TUSC3: variants seen among roughly 807,000 people sequenced by gnomAD.
TUSC3 encodes the protein dolichyl-diphosphooligosaccharide--protein glycosyltransferase subunit TUSC3.
TUSC3 carries 45 observed loss-of-function variants against 44.8 expected under a neutral mutation model. The observed-to-expected ratio is 1.00, with a 90% CI of 0.79 to 1.29. The LOEUF is 1.29. Among genes scored for constraint, TUSC3 ranks in the 50% most tolerant of loss-of-function variants. TUSC3 has a pLI of 0.00. For missense variants in TUSC3, 519 were observed against 437.9 expected (o/e 1.19, Z -1.65); for synonymous variants, 212 against 152.9 (o/e 1.39, Z -2.85).
the TUSC3 span, among the ~76,000 whole-genome samples, chr8:15,803,362 G>A: frequency 1.3e-5 from 2 of 152,070 alleles, no homozygotes; most frequent in African/African-American, 2.4e-5. Context: ...TACATATGAT[G>A]ACAAAAATCA....
intron 1 of TUSC3, among the ~76,000 whole-genome samples, chr8:15,420,673 T>C (rs1799728129): frequency 6.6e-6 from 1 of 152,118 alleles, no homozygotes; most frequent in South Asian, 2.1e-4. Context: ...CCATCTTTAA[T>C]CATGATTCTC....
chr8:15,590,269 T>G (rs114413105), intron 1 of TUSC3, among the ~76,000 whole-genome samples: 7 of 152,304 alleles, frequency 4.6e-5, no homozygotes, highest in African/African-American at 1.4e-4. Flanking sequence ...ATTTTGCAGA[T>G]GAGGAATTCC....
At chr8:15,667,434 A>T (rs1807716155) in intron 5 of TUSC3, among the ~76,000 whole-genome samples, 1 of 151,728 alleles carries the variant, frequency 6.6e-6, no homozygotes, top group Non-Finnish European at 1.5e-5. Flanking sequence ...ACTGATATGC[A>T]TGTCTGCTGT....
chr8:15,663,075 C>T (rs956398773), intron 5 of TUSC3, among the ~76,000 whole-genome samples: 2 of 151,280 alleles, frequency 1.3e-5, no homozygotes, highest in Non-Finnish European at 3.0e-5. Flanking sequence ...CAGCCAATAG[C>T]CGAAACTCAT....
the TUSC3 span, among the ~76,000 whole-genome samples, chr8:15,783,148 A>T: frequency 6.6e-6 from 1 of 152,194 alleles, no homozygotes; most frequent in Non-Finnish European, 1.5e-5. Flanking sequence ...AATTTAACCA[A>T]TGTGGTGAAA....
intron 1 of TUSC3, among the ~76,000 whole-genome samples, chr8:15,468,567 T>C (rs1485159140): frequency 3.3e-5 from 5 of 152,182 alleles, no homozygotes; most frequent in Non-Finnish European, 4.4e-5. Flanking sequence ...TTCTTTGTTT[T>C]TTACCCTTAA....
the TUSC3 span, among the ~76,000 whole-genome samples, chr8:15,815,981 G>A: frequency 6.6e-6 from 1 of 152,068 alleles, no homozygotes; most frequent in Non-Finnish European, 1.5e-5. Flanking sequence ...TGCTTTTTCT[G>A]GCAGGGTTGT....
chr8:15,657,649 C>G (rs999967188), intron 3 of TUSC3, among the ~76,000 whole-genome samples: 32 of 152,180 alleles, frequency 2.1e-4, no homozygotes, highest in Non-Finnish European at 4.0e-4. Flanking sequence ...CCTCAGTGCT[C>G]CGTTTATGGC....
At chr8:15,610,126 A>G (rs1445858200) in intron 1 of TUSC3, among the ~76,000 whole-genome samples, 1 of 152,166 alleles carries the variant, frequency 6.6e-6, no homozygotes, top group Non-Finnish European at 1.5e-5. Context: ...AATAAATTAT[A>G]ATCAGTTTAA....
intron 2 of TUSC3, among the ~76,000 whole-genome samples, chr8:15,517,069 G>A (rs940120644): frequency 2.0e-5 from 3 of 152,082 alleles, no homozygotes; most frequent in African/African-American, 7.2e-5. Flanking sequence ...ACCCATGACC[G>A]ACGTCACTAA....
chr8:15,521,845 G>A (rs1203692006), intron 2 of TUSC3, among the ~76,000 whole-genome samples: 1 of 152,158 alleles, frequency 6.6e-6, no homozygotes, highest in Non-Finnish European at 1.5e-5. Flanking sequence ...GGCCTTAACT[G>A]CTCTGCTCTT....
chr8:15,833,369 A>G, the TUSC3 span, among the ~76,000 whole-genome samples: 4 of 152,352 alleles, frequency 2.6e-5, no homozygotes, highest in Non-Finnish European at 5.9e-5. Context: ...TATATACCAA[A>G]AGGAATATAA....
chr8:15,644,620 G>A, intron 2 of TUSC3, among the ~76,000 whole-genome samples: 1 of 152,086 alleles, frequency 6.6e-6, no homozygotes, highest in East Asian at 1.9e-4. Flanking sequence ...ACGTTAAGAA[G>A]TTGGGATATG....
intron 2 of TUSC3, among the ~76,000 whole-genome samples, chr8:15,635,170 C>T (rs894685354): frequency 6.6e-6 from 1 of 152,038 alleles, no homozygotes; most frequent in African/African-American, 2.4e-5. Context: ...ATGGTCAGGA[C>T]AGAATCTTAA....
chr8:15,702,104 G>C (rs1028083139), intron 6 of TUSC3, among the ~76,000 whole-genome samples: 1 of 152,124 alleles, frequency 6.6e-6, no homozygotes, highest in Admixed American at 6.5e-5. Flanking sequence ...CGGCTGTGTG[G>C]AGAACGAAAT....
intron 2 of TUSC3, among the ~76,000 whole-genome samples, chr8:15,649,289 G>A (rs1328978766): frequency 6.6e-6 from 1 of 152,050 alleles, no homozygotes; most frequent in Non-Finnish European, 1.5e-5. Flanking sequence ...CTACTATTGA[G>A]TATTAAGAAG....
intron 1 of TUSC3, among the ~76,000 whole-genome samples, chr8:15,617,964 A>G (rs574996571): frequency 1.2e-4 from 19 of 152,328 alleles, no homozygotes; most frequent in African/African-American, 3.8e-4. Context: ...GCTGTACACA[A>G]TAGTACTCTA....
chr8:15,757,686 A>G, intron 9 of TUSC3, 105 bp from the exon 10 acceptor site: 2 of 1,401,196 alleles, frequency 1.4e-6, no homozygotes, highest in Non-Finnish European at 2.0e-6. Flanking sequence ...TTATCTAGAT[A>G]AAGAATGTAG....
At position 15,584,050 on chromosome 8, in the gene TUSC3, A is replaced by T. The variant is rs369724027; in HGVS notation, c.139-39030A>T. ...GTTGTTTAAACAGGTACTTAAAGGC[A>T]GTGTAATCAAACACAGCAGCTTAAC... On this transcript the variant is annotated intron_variant, in intron 1 of 10. Coordinates refer to ENST00000503731, the MANE Select transcript of TUSC3 (RefSeq NM_006765.4). Among the ~76,000 whole-genome samples, 516 of 152,354 alleles carry T rather than the reference A, an allele frequency of 3.4e-3. 4 individuals carry two copies. Among genetic ancestry groups the T allele is most frequent in the African/African-American group, 0.012 (495 of 41,578 alleles).
Sources: gnomAD v4.1 joint callset for allele counts (sites outside exome capture counted in the v4.1 genomes callset) on GRCh38, gnomAD v4.1.1 for gene constraint, MANE v1.5 for transcripts, NCBI Gene and HGNC (gene_info 2026-07-23, HGNC 2026-07-21) for gene names.